Variants in ADAMTS14 observed in about 807,000 individuals in gnomAD.
ADAMTS14 encodes A disintegrin and metalloproteinase with thrombospondin motifs 14.
A neutral mutation model predicts 128.6 loss-of-function variants in ADAMTS14; 100 were observed. The ratio of observed to expected loss-of-function variants is 0.78; its 90% CI spans 0.66 to 0.92. The LOEUF is 0.92. Ranked by LOEUF, ADAMTS14 falls within the 40% of genes least tolerant of loss-of-function variation. The pLI is 0.00. For missense variants in ADAMTS14, 1,562 were observed against 1,658.6 expected (o/e 0.94, Z 1.01); for synonymous variants, 665 against 653.8 (o/e 1.02, Z -0.26).
intron 2 of ADAMTS14, among the ~76,000 whole-genome samples, chr10:70,701,629 A>AT (rs948704091): frequency 6.6e-6 from 1 of 152,136 alleles, no homozygotes; most frequent in Non-Finnish European, 1.5e-5. Flanking sequence ...TTGCCAACAT[A>AT]TTTTTTTGTT....
At chr10:70,703,692 G>A (rs1421107670) in intron 3 of ADAMTS14, among the ~76,000 whole-genome samples, 1 of 152,228 alleles carries the variant, frequency 6.6e-6, no homozygotes, top group East Asian at 1.9e-4. Flanking sequence ...AAGAGACGTT[G>A]GGGAAGTCCA....
At chr10:70,751,135 C>G (rs1284101957) in intron 16 of ADAMTS14, among the ~76,000 whole-genome samples, 1 of 152,214 alleles carries the variant, frequency 6.6e-6, no homozygotes, top group African/African-American at 2.4e-5. Flanking sequence ...TAACTGCCTT[C>G]TAGAGCCAGG....
intron 4 of ADAMTS14, among the ~76,000 whole-genome samples, chr10:70,726,902 C>T (rs776441448): frequency 6.6e-6 from 1 of 152,198 alleles, no homozygotes; most frequent in Non-Finnish European, 1.5e-5. Context: ...GGGAAGGAAG[C>T]CCTGCTGCTC....
Position 70,761,120 on chromosome 10 carries a change from G to T in ADAMTS14, c.*267G>T. The T allele has an allele frequency of 2.4e-6, 1 of 422,972 alleles. No individual in the cohort carries two copies. Among genetic ancestry groups the T allele is most frequent in the Non-Finnish European group, 4.2e-6 (1 of 240,814 alleles). 26.2% of individuals were successfully genotyped at this position (422,972 alleles called of 1,614,324 possible). A position where few individuals can be genotyped will look rare whatever the true frequency, so the allele number is the denominator to read the frequency against. On this transcript the variant is annotated 3_prime_UTR_variant, in exon 22 of 22. Transcript: ENST00000373207. ...CTCAGGGCCCCTGTTGGTCTCCCCT[G>T]CCAAGACCAGGGTCAACTATTGCTC...
intron 9 of ADAMTS14, among the ~76,000 whole-genome samples, chr10:70,736,299 A>G (rs1451618791): frequency 6.6e-6 from 1 of 152,086 alleles, no homozygotes; most frequent in Non-Finnish European, 1.5e-5. Context: ...GGAAAGCAGC[A>G]GTCCCCTTAA....
chr10:70,710,966 G>A (rs779800688), intron 4 of ADAMTS14, among the ~76,000 whole-genome samples: 5 of 152,208 alleles, frequency 3.3e-5, no homozygotes, highest in Non-Finnish European at 7.3e-5. Flanking sequence ...CACCTTTGAC[G>A]AGGTGGTCAC....
chr10:70,741,291 G>C, intron 12 of ADAMTS14, 129 bp downstream of exon 12: 1 of 1,136,428 alleles, frequency 8.8e-7, no homozygotes, highest in East Asian at 2.6e-5. Context: ...TGCCAAAAGG[G>C]ACACTGAAGT....
intron 3 of ADAMTS14, among the ~76,000 whole-genome samples, chr10:70,702,798 C>G (rs1345294660): frequency 6.6e-6 from 1 of 152,112 alleles, no homozygotes; most frequent in African/African-American, 2.4e-5. Flanking sequence ...AGTTCTTCCC[C>G]CCTAAAATTG....
chr10:70,744,932 G>A (rs73278024), intron 14 of ADAMTS14, among the ~76,000 whole-genome samples: 87 of 152,222 alleles, frequency 5.7e-4, no homozygotes, highest in African/African-American at 2.0e-3. Context: ...AAAAAGGGAC[G>A]GGGGGAAGGG....
intron 2 of ADAMTS14, among the ~76,000 whole-genome samples, chr10:70,679,886 A>G (rs1160338539): frequency 6.6e-6 from 1 of 152,148 alleles, no homozygotes; most frequent in African/African-American, 2.4e-5. Context: ...CCACTGAACA[A>G]GTCACAGAAG....
In ADAMTS14 at chr10:70,760,832, T is replaced by A. The variant is rs1347373521; in HGVS notation, c.3651T>A (p.Pro1217=). 1 of 1,581,106 alleles carries A rather than the reference T, an allele frequency of 6.3e-7. No homozygotes were observed. Among genetic ancestry groups the A allele is most frequent in the Non-Finnish European group, 8.6e-7 (1 of 1,161,130 alleles). The stretch of plus-strand genomic sequence containing the variant: ...TGAGACATCCCGGCACCAGCCTCCC[T>A]GCTGCCTCCCCGGTGACATGAGCTG... ...EDLRHPGTSL[P]AASPVT The change falls in exon 22 of 22, where the codon CCT becomes CCA. Residue 1217 remains proline, a synonymous_variant. Coordinates refer to ENST00000373207, the MANE Select transcript of ADAMTS14 (RefSeq NM_080722.4).
At chr10:70,675,407 G>A (rs1205407123) in intron 2 of ADAMTS14, among the ~76,000 whole-genome samples, 6 of 152,184 alleles carry the variant, frequency 3.9e-5, no homozygotes, top group South Asian at 4.1e-4. Flanking sequence ...TGAGACAGAC[G>A]TGGCTTCTGC....
At chr10:70,716,517 A>G (rs1260672714) in intron 4 of ADAMTS14, among the ~76,000 whole-genome samples, 2 of 152,204 alleles carry the variant, frequency 1.3e-5, no homozygotes, top group African/African-American at 4.8e-5. Flanking sequence ...GCAGATGGGG[A>G]CCGACAGTCT....
intron 2 of ADAMTS14, among the ~76,000 whole-genome samples, chr10:70,698,820 G>A (rs1840409305): frequency 6.6e-6 from 1 of 152,192 alleles, no homozygotes; most frequent in Admixed American, 6.5e-5. Context: ...TTCCTGGGGA[G>A]AGGCCTAAGA....
At position 70,741,003 on chromosome 10, in the gene ADAMTS14, C is replaced by G; in HGVS notation, c.1765C>G (p.Arg589Gly). The change falls in exon 12 of 22, where the codon CGC becomes GGC. Residue 589 changes from arginine (R) to glycine (G), a missense_variant. Transcript: ENST00000373207. ...CTGTCCCAGCCCAGCCTATGGAGGCCGCCTGTGCTTAGGGCCCATGTTCGA... is the reference window on the plus strand; with the variant it reads ...CTGTCCCAGCCCAGCCTATGGAGGCGGCCTGTGCTTAGGGCCCATGTTCGA... ...CNNPSPAYGG[R>G]LCLGPMFEYQ... The G allele has an allele frequency of 6.2e-7, 1 of 1,614,074 alleles. No homozygotes were observed. Among genetic ancestry groups the G allele is most frequent in the Non-Finnish European group, 8.5e-7 (1 of 1,179,988 alleles).
chr10:70,733,815 G>A, intron 7 of ADAMTS14, 70 bp from the exon 8 acceptor site: 3 of 1,549,732 alleles, frequency 1.9e-6, no homozygotes, highest in Non-Finnish European at 2.6e-6. Flanking sequence ...CTGCTGGCCT[G>A]CCTGCCTGCC....
Position 70,744,137 on chromosome 10 carries a change from C to A in ADAMTS14, c.2130C>A (p.Asn710Lys). Residue 710 changes from asparagine (N) to lysine (K), a missense_variant, in exon 14 of 22, where the codon AAC (asparagine) becomes AAA (lysine). Asn to Lys is a moderately conservative substitution (Grantham distance 94). Coordinates refer to ENST00000373207, the MANE Select transcript of ADAMTS14 (RefSeq NM_080722.4). ...DDKCGVCGGD[N>K]SHCRTVKGTL... ...AGTGTGGAGTCTGCGGGGGTGACAACTCCCACTGCAGGACTGTGAAGGGGA... is the reference window on the plus strand; with the variant it reads ...AGTGTGGAGTCTGCGGGGGTGACAAATCCCACTGCAGGACTGTGAAGGGGA... 6.4e-7 allele frequency: 1 copy of A among 1,559,290 alleles called. No individual in the cohort carries two copies. Among genetic ancestry groups the A allele is most frequent in the South Asian group, 1.2e-5 (1 of 84,402 alleles).
chr10:70,760,375 G>T lies in ADAMTS14; in HGVS notation c.3194G>T (p.Gly1065Val). The change falls in exon 22 of 22, where the codon GGA becomes GTA. Residue 1065 changes from glycine to valine, a missense_variant. Physicochemically the swap from Gly to Val is moderately radical, Grantham distance 109. Transcript: ENST00000373207. ...NKISSTEPCT[G>V]DRSVFCQMEV... ...GTGTGTGCAGCGGAGCCCTGCACGG[G>T]AGACAGGTCTGTCTTCTGCCAGATG... is the stretch of plus-strand genomic sequence containing the variant. The T allele has an allele frequency of 6.3e-7, 1 of 1,580,462 alleles. No individual in the cohort carries two copies. The highest frequency in any genetic ancestry group is 1.2e-5 in the South Asian group (1 of 86,692).
At chr10:70,753,231 G>A (rs992903708) in intron 18 of ADAMTS14, among the ~76,000 whole-genome samples, 1 of 152,188 alleles carries the variant, frequency 6.6e-6, no homozygotes, top group African/African-American at 2.4e-5. Flanking sequence ...CACCCAGTGG[G>A]CATGCGCTTA....
Sources: gnomAD v4.1 joint callset for allele counts (sites outside exome capture counted in the v4.1 genomes callset) on GRCh38, gnomAD v4.1.1 for gene constraint, MANE v1.5 for transcripts, NCBI Gene and HGNC (gene_info 2026-07-23, HGNC 2026-07-21) for gene names.